The following TUBB3 variants were observed in gnomAD, a reference collection of about 807,000 sequenced individuals.
The protein encoded by TUBB3 is tubulin beta-3 chain.
Under a neutral mutation model 37.8 loss-of-function variants are expected in TUBB3, and 17 were observed. The ratio of observed to expected loss-of-function variants is 0.45; its 90% CI spans 0.31 to 0.67. TUBB3 has a LOEUF of 0.67. Among genes scored for constraint, TUBB3 ranks in the 30% least tolerant of loss-of-function variants. The probability of loss-of-function intolerance (pLI) is 0.07; values close to 1 mark genes in which losing one functional copy is unlikely to be tolerated. For missense variants in TUBB3, 262 were observed against 657.9 expected, an observed-to-expected ratio of 0.40 and a Z score of 6.58; for synonymous variants, 332 against 278.9, an observed-to-expected ratio of 1.19 and a Z score of -1.90.
In TUBB3 at chr16:89,923,445, A is replaced by G; in HGVS notation, c.44A>G (p.Gln15Arg). Residue 15 changes from glutamine to arginine, a missense_variant, in exon 1 of 4, where the codon CAG becomes CGG. Gln to Arg is a conservative substitution (Grantham distance 43). This residue lies in a region of TUBB3 where 58 missense variants were observed against 74.2 expected (regional missense o/e 0.78). Coordinates refer to ENST00000315491, the MANE Select transcript of TUBB3 (RefSeq NM_006086.4). ...VHIQAGQCGN[Q>R]IGAKFWEVIS... is the part of the protein sequence containing the mutation. ...ATCCAGGCCGGCCAGTGCGGCAACC[A>G]GATCGGGGCCAAGGTGAGGCTGCGC... is the stretch of plus-strand genomic sequence containing the variant. The G allele has an allele frequency of 6.6e-7, 1 of 1,512,512 alleles. No individual in the cohort carries two copies. The highest frequency in any genetic ancestry group is 8.8e-7 in the Non-Finnish European group (1 of 1,130,078). 93.7% of individuals were successfully genotyped at this position (1,512,512 alleles called of 1,614,324 possible).
Position 89,923,353 on chromosome 16 carries a change from GC to G in TUBB3, c.-46del, listed in dbSNP as rs1253450240. On this transcript the variant is annotated 5_prime_UTR_variant, in exon 1 of 4. Coordinates refer to ENST00000315491, the MANE Select transcript of TUBB3 (RefSeq NM_006086.4). ...CGCGGTCCCCGACCCTCAGCAGCCA[GC>G]CCGGCCCGCCCGCGCCCGTCCGCAG... 9.8e-6 allele frequency: 14 copies of G among 1,427,906 alleles called. No homozygotes were observed. The highest frequency in any genetic ancestry group is 1.3e-5 in the Non-Finnish European group (14 of 1,083,338). 88.5% of individuals were successfully genotyped at this position (1,427,906 alleles called of 1,614,324 possible).
At chr16:89,928,770 C>T (rs906406691) in intron 1 of TUBB3, among the ~76,000 whole-genome samples, 2 of 151,922 alleles carry the variant, frequency 1.3e-5, no homozygotes, top group African/African-American at 4.8e-5. Flanking sequence ...ATGATCCGCC[C>T]ACCTCGGCCT....
At chr16:89,923,742 C>G (rs550534578) in intron 1 of TUBB3, among the ~76,000 whole-genome samples, 6 of 152,306 alleles carry the variant, frequency 3.9e-5, no homozygotes, top group Admixed American at 3.9e-4. Flanking sequence ...CCTGCACCCC[C>G]TCCACCGGGC....
chr16:89,933,306 GA>G, intron 2 of TUBB3, 161 bp from the exon 3 acceptor site: 1 of 760,510 alleles, frequency 1.3e-6, no homozygotes, highest in South Asian at 1.4e-5. Flanking sequence ...TAAGGGTGAA[GA>G]AAGTTGCTGA....
In TUBB3 at chr16:89,934,964, C is replaced by G; in HGVS notation, c.513C>G (p.Pro171=). ...DRIMNTFSVV[P]SPKVSDTVVE... ...TCATGAACACCTTCAGCGTCGTGCC[C>G]TCACCCAAGGTGTCAGACACGGTGG... The change falls in exon 4 of 4, where the codon CCC becomes CCG. Residue 171 remains proline, a synonymous_variant. Transcript: ENST00000315491. 1.2e-6 allele frequency: 2 copies of G among 1,614,186 alleles called. No homozygotes were observed. The highest frequency in any genetic ancestry group is 1.7e-6 in the Non-Finnish European group (2 of 1,180,024).
At chr16:89,926,051 G>A (rs1312363995) in intron 1 of TUBB3, among the ~76,000 whole-genome samples, 2 of 152,208 alleles carry the variant, frequency 1.3e-5, no homozygotes, top group African/African-American at 2.4e-5. Context: ...CCCGGGGGGG[G>A]CAGGGGCGGG....
chr16:89,931,961 A>T (rs2151091745), intron 1 of TUBB3: 1 of 296,568 alleles, frequency 3.4e-6, no homozygotes. Context: ...CCCATTTGGG[A>T]CCCCAAGGAC....
chr16:89,929,858 G>A (rs546432903), intron 1 of TUBB3, among the ~76,000 whole-genome samples: 129 of 152,164 alleles, frequency 8.5e-4, no homozygotes, highest in Admixed American at 1.5e-3. Flanking sequence ...TCGCCACCAC[G>A]CCTGGCTAAT....
In TUBB3 at chr16:89,935,976, G is replaced by A; in HGVS notation, c.*172G>A. On this transcript the variant is annotated 3_prime_UTR_variant, in exon 4 of 4. Coordinates refer to ENST00000315491, the MANE Select transcript of TUBB3 (RefSeq NM_006086.4). The stretch of plus-strand genomic sequence containing the variant: ...CGTCCTCCCCACCTAGGCCACGTGT[G>A]AGCTGCTCCTGTCTCTGTCTTATTG... 3 of 758,894 alleles carry A rather than the reference G, an allele frequency of 4.0e-6. No homozygotes were observed. The highest frequency in any genetic ancestry group is 1.9e-5 in the South Asian group (1 of 53,792). The allele number at this position is 758,894 out of a possible 1,614,324, so 47.0% of individuals were successfully genotyped here.
At chr16:89,926,253 C>T (rs2030077140) in intron 1 of TUBB3, among the ~76,000 whole-genome samples, 1 of 152,152 alleles carries the variant, frequency 6.6e-6, no homozygotes, top group African/African-American at 2.4e-5. Context: ...CTCCTCGCGG[C>T]TGCGGGGCGG....
chr16:89,932,413 A>G (rs1297026351), intron 1 of TUBB3, among the ~76,000 whole-genome samples, 158 bp from the exon 2 acceptor site: 1 of 152,190 alleles, frequency 6.6e-6, no homozygotes, highest in African/African-American at 2.4e-5. Context: ...ATTTTCTGAC[A>G]GGTAACAGAG....
chr16:89,929,831 G>T (rs1319616054), intron 1 of TUBB3, among the ~76,000 whole-genome samples: 1 of 152,018 alleles, frequency 6.6e-6, no homozygotes, highest in Non-Finnish European at 1.5e-5. Flanking sequence ...CTCCCAAGCA[G>T]CTGGGATTAC....
At chr16:89,926,087 C>T (rs1597419447) in intron 1 of TUBB3, among the ~76,000 whole-genome samples, 1 of 152,056 alleles carries the variant, frequency 6.6e-6, no homozygotes, top group Non-Finnish European at 1.5e-5. Flanking sequence ...ACACCGGGGC[C>T]CGCGGGACAC....
intron 1 of TUBB3, among the ~76,000 whole-genome samples, chr16:89,924,106 C>T (rs2029984113): frequency 6.6e-6 from 1 of 152,256 alleles, no homozygotes; most frequent in South Asian, 2.1e-4. Flanking sequence ...CGCGCCCACC[C>T]AGGGTCTACC....
chr16:89,934,492 T>C, intron 3 of TUBB3: 1 of 638,906 alleles, frequency 1.6e-6, no homozygotes, highest in Admixed American at 2.2e-5. Context: ...AGCCTCGCTC[T>C]GCTGTGACCC....
At chr16:89,925,960 G>C (rs2030061665) in intron 1 of TUBB3, among the ~76,000 whole-genome samples, 1 of 152,236 alleles carries the variant, frequency 6.6e-6, no homozygotes. Flanking sequence ...CAGCTCGCGG[G>C]GATGCAGTAA....
intron 1 of TUBB3, among the ~76,000 whole-genome samples, chr16:89,930,060 C>G (rs1043602904): frequency 7.9e-6 from 1 of 126,426 alleles, no homozygotes; most frequent in African/African-American, 2.9e-5. Context: ...TCCTTCCTTC[C>G]TCTCTCTCTC....
upstream of TUBB3, among the ~76,000 whole-genome samples, chr16:89,922,860 C>G (rs969711457): frequency 1.3e-5 from 2 of 152,274 alleles, no homozygotes; most frequent in East Asian, 3.8e-4. Flanking sequence ...CAGCCTTTAC[C>G]TACCTCCCCC....
intron 3 of TUBB3, 154 bp downstream of exon 3, chr16:89,933,732 T>C: frequency 1.4e-6 from 1 of 740,584 alleles, no homozygotes; most frequent in South Asian, 1.4e-5. Context: ...AGCTGGGCAT[T>C]GGAGGCCCAG....
Sources: gnomAD v4.1 joint callset for allele counts (sites outside exome capture counted in the v4.1 genomes callset) on GRCh38, gnomAD v4.1.1 for gene constraint, gnomAD v4.1.1 regional missense constraint, MANE v1.5 for transcripts, NCBI Gene and HGNC (gene_info 2026-07-23, HGNC 2026-07-21) for gene names.